The following ACVR1B variants were observed in gnomAD, a reference collection of about 807,000 sequenced individuals.
ACVR1B encodes activin receptor type-1B.
Under a neutral mutation model 55.6 loss-of-function variants are expected in ACVR1B, and 15 were observed. The observed-to-expected ratio is 0.27, with a 90% CI of 0.18 to 0.42. The LOEUF is 0.42. Among genes scored for constraint, ACVR1B ranks in the 10% least tolerant of loss-of-function variants. The probability of loss-of-function intolerance (pLI) is 1.00; values close to 1 mark genes in which losing one functional copy is unlikely to be tolerated. For missense variants in ACVR1B, 359 were observed against 670.1 expected (o/e 0.54, Z 5.13); for synonymous variants, 247 against 254.6 (o/e 0.97, Z 0.28).
intron 1 of ACVR1B, among the ~76,000 whole-genome samples, chr12:51,967,317 G>A (rs1941661687): frequency 6.6e-6 from 1 of 152,050 alleles, no homozygotes; most frequent in Admixed American, 6.5e-5. Flanking sequence ...CCAGCACTTT[G>A]GGAGGCCGAG....
At chr12:51,959,832 G>A (rs1941483275) in intron 1 of ACVR1B, among the ~76,000 whole-genome samples, 1 of 151,908 alleles carries the variant, frequency 6.6e-6, no homozygotes, top group Non-Finnish European at 1.5e-5. Context: ...GGGGAGAGGG[G>A]ATTGTGGATG....
At chr12:51,982,366 A>T (rs2120674187) in intron 4 of ACVR1B, among the ~76,000 whole-genome samples, 1 of 152,316 alleles carries the variant, frequency 6.6e-6, no homozygotes, top group African/African-American at 2.4e-5. Flanking sequence ...AGTGGGTAGT[A>T]ATTAAAATTT....
chr12:51,977,621 T>TG (rs1212301737), intron 3 of ACVR1B, among the ~76,000 whole-genome samples: 1 of 148,148 alleles, frequency 6.8e-6, no homozygotes, highest in East Asian at 2.0e-4. Context: ...TTTTTTTTTT[T>TG]TTTTTTTGTT....
intron 3 of ACVR1B, among the ~76,000 whole-genome samples, chr12:51,979,887 G>A (rs1037667398): frequency 1.3e-5 from 2 of 152,274 alleles, no homozygotes; most frequent in South Asian, 4.1e-4. Context: ...GCTGAGATGG[G>A]AGGCAAAAGA....
intron 5 of ACVR1B, among the ~76,000 whole-genome samples, chr12:51,984,526 T>C (rs1942042794): frequency 6.6e-6 from 1 of 152,146 alleles, no homozygotes; most frequent in African/African-American, 2.4e-5. Context: ...GGAACATCAG[T>C]TTAGTGATTT....
intron 3 of ACVR1B, among the ~76,000 whole-genome samples, chr12:51,978,761 C>T (rs1416348919): frequency 2.1e-5 from 3 of 143,102 alleles, no homozygotes; most frequent in African/African-American, 5.3e-5. Flanking sequence ...ACCTGGGAGG[C>T]GGAGCTTGCA....
chr12:51,981,271 C>A, intron 4 of ACVR1B, 72 bp downstream of exon 4: 1 of 1,316,530 alleles, frequency 7.6e-7, no homozygotes, highest in Non-Finnish European at 1.1e-6. Context: ...ATGGGGTGCA[C>A]AGCTCTGTTT....
intron 1 of ACVR1B, among the ~76,000 whole-genome samples, chr12:51,952,205 G>C (rs918975496): frequency 1.3e-5 from 2 of 152,130 alleles, no homozygotes. Context: ...GGGGCGGGGG[G>C]CTTTCTTCCC....
At chr12:51,966,834 CTAT>C (rs1282557036) in intron 1 of ACVR1B, among the ~76,000 whole-genome samples, 4 of 152,122 alleles carry the variant, frequency 2.6e-5, no homozygotes, top group Admixed American at 6.5e-5. Context: ...TATATTAAGG[CTAT>C]TATTGTCAGT....
chr12:51,957,168 C>A (rs999445625), intron 1 of ACVR1B, among the ~76,000 whole-genome samples: 3 of 152,142 alleles, frequency 2.0e-5, no homozygotes, highest in South Asian at 2.1e-4. Context: ...GTATCATAGG[C>A]CAGGCACAGT....
chr12:51,986,263 T>A (rs1222380093), intron 6 of ACVR1B, among the ~76,000 whole-genome samples: 1 of 152,190 alleles, frequency 6.6e-6, no homozygotes, highest in Non-Finnish European at 1.5e-5. Flanking sequence ...CTTTACTCTC[T>A]CTTTGTTTTT....
chr12:51,986,456 C>T (rs933290628), intron 6 of ACVR1B, among the ~76,000 whole-genome samples: 20 of 152,098 alleles, frequency 1.3e-4, no homozygotes, highest in Admixed American at 1.3e-3. Flanking sequence ...GATGGGGTTT[C>T]GCGATGTTGG....
chr12:51,963,889 C>T (rs1286265820), intron 1 of ACVR1B, among the ~76,000 whole-genome samples: 1 of 152,078 alleles, frequency 6.6e-6, no homozygotes, highest in Non-Finnish European at 1.5e-5. Context: ...GCAGTTGTAC[C>T]CTTTTATGTC....
At chr12:51,989,137 T>A (rs965655284) in intron 7 of ACVR1B, among the ~76,000 whole-genome samples, 1 of 151,942 alleles carries the variant, frequency 6.6e-6, no homozygotes, top group Admixed American at 6.6e-5. Flanking sequence ...GCGCCTGTAA[T>A]CTCAGCTACT....
At chr12:51,976,839 A>G (rs1941868663) in intron 3 of ACVR1B, among the ~76,000 whole-genome samples, 1 of 152,192 alleles carries the variant, frequency 6.6e-6, no homozygotes, top group African/African-American at 2.4e-5. Context: ...AAGCTTTGCA[A>G]CTGTACGTAC....
At chr12:51,969,483 T>C (rs1941703761) in intron 1 of ACVR1B, among the ~76,000 whole-genome samples, 1 of 152,224 alleles carries the variant, frequency 6.6e-6, no homozygotes, top group Non-Finnish European at 1.5e-5. Context: ...GTTGCTATGC[T>C]GATGAGACCT....
intron 1 of ACVR1B, chr12:51,960,115 C>G (rs539526580): frequency 6.6e-6 from 1 of 152,332 alleles, no homozygotes; most frequent in African/African-American, 2.4e-5. Context: ...TCTGTCCTTG[C>G]CCTTTGGAAG....
intron 7 of ACVR1B, among the ~76,000 whole-genome samples, chr12:51,990,312 CTTTTTTTTT>C (rs71092738): frequency 1.1e-5 from 1 of 89,588 alleles, no homozygotes; most frequent in African/African-American, 4.5e-5. Context: ...AAATTTAGTG[CTTTTTTTTT>C]TTTTTTTTTT....
chr12:51,953,753 G>T (rs1941357228), intron 1 of ACVR1B, among the ~76,000 whole-genome samples: 1 of 152,118 alleles, frequency 6.6e-6, no homozygotes, highest in South Asian at 2.1e-4. Flanking sequence ...TGTTTGTGGG[G>T]TTTTTCTGGT....
Sources: allele counts gnomAD v4.1 joint callset (sites outside exome capture counted in the v4.1 genomes callset), GRCh38; gene constraint gnomAD v4.1.1; transcripts MANE v1.5; gene names NCBI Gene and HGNC (gene_info 2026-07-23, HGNC 2026-07-21).